ZNF587B: variants seen among roughly 807,000 people sequenced by gnomAD.
ZNF587B encodes zinc finger protein 587B.
A neutral mutation model predicts 7.2 loss-of-function variants in ZNF587B; 6 were observed. That is an observed-to-expected ratio of 0.83 (90% CI 0.46 to 1.65). The LOEUF (loss-of-function observed/expected upper bound fraction) is 1.65. Ranked by LOEUF, ZNF587B falls within the 40% of genes most tolerant of loss-of-function variation. ZNF587B has a pLI of 0.01. For missense variants in ZNF587B, 749 were observed against 761.0 expected, an observed-to-expected ratio of 0.98 and a Z score of 0.19; for synonymous variants, 274 against 254.3, an observed-to-expected ratio of 1.08 and a Z score of -0.74.
rs1327717725 is a variant in ZNF587B at position 57,843,686 on chromosome 19, CTG to C, written c.*1111_*1112del. 1.0e-5 allele frequency: 6 copies of C among 586,542 alleles called. No homozygotes were observed. Among genetic ancestry groups the C allele is most frequent in the Non-Finnish European group, 1.3e-5 (6 of 471,680 alleles). 36.3% of individuals were successfully genotyped at this position (586,542 alleles called of 1,614,324 possible). ...GTGTGATCCTGGTTCATTGCAACCT[CTG>C]CCTCCTGAGTTCAAGCAATTCTCCT... On this transcript the variant is annotated 3_prime_UTR_variant, in exon 3 of 3. Coordinates refer to ENST00000594901, the MANE Select transcript of ZNF587B (RefSeq NM_001376223.1).
intron 1 of ZNF587B, among the ~76,000 whole-genome samples, chr19:57,837,345 C>T (rs1010338244): frequency 6.6e-6 from 1 of 151,994 alleles, no homozygotes; most frequent in Non-Finnish European, 1.5e-5. Flanking sequence ...CAACCTTCGC[C>T]TCCCTGGTTC....
chr19:57,839,281 GT>G, intron 2 of ZNF587B, 132 bp downstream of exon 2: 2 of 1,427,514 alleles, frequency 1.4e-6, no homozygotes, highest in Non-Finnish European at 1.9e-6. Context: ...TAGGTTCTTG[GT>G]TGTAGGACTG....
In ZNF587B at chr19:57,843,458, A is replaced by G; in HGVS notation, c.*882A>G. ...TATCTGGCAAAAGCCATTACATCTCAGCTACTTGGTAGGTACCCACATTGC... is the reference window on the plus strand; with the variant it reads ...TATCTGGCAAAAGCCATTACATCTCGGCTACTTGGTAGGTACCCACATTGC... On this transcript the variant is annotated 3_prime_UTR_variant, in exon 3 of 3. Coordinates refer to ENST00000594901, the MANE Select transcript of ZNF587B (RefSeq NM_001376223.1). 1.0e-6 allele frequency: 1 copy of G among 985,138 alleles called. No homozygotes were observed. Among genetic ancestry groups the G allele is most frequent in the Non-Finnish European group, 1.2e-6 (1 of 829,772 alleles). 61.0% of individuals were successfully genotyped at this position (985,138 alleles called of 1,614,324 possible).
At position 57,840,879 on chromosome 19, in the gene ZNF587B, C is replaced by A. The variant is rs1431906732; in HGVS notation, c.205C>A (p.Gln69Lys). 2 of 1,548,302 alleles carry A rather than the reference C, an allele frequency of 1.3e-6. No individual in the cohort carries two copies. Among genetic ancestry groups the A allele is most frequent in the Non-Finnish European group, 1.7e-6 (2 of 1,150,026 alleles). The change falls in exon 3 of 3, where the codon CAG (glutamine) becomes AAG (lysine). Residue 69 changes from glutamine (Q) to lysine (K), a missense_variant. Physicochemically the swap from Gln to Lys is moderately conservative, Grantham distance 53 (BLOSUM62 1). This residue lies in a region of ZNF587B where 72 missense variants were observed against 147.8 expected (regional missense o/e 0.49). Transcript: ENST00000594901. ...GGAAGATGAGGCGGCACCTTCTAAG[C>A]AGAGTATTTATATACAAAGAGAGAC... ...GVEDEAAPSK[Q>K]SIYIQRETQV...
intron 1 of ZNF587B, among the ~76,000 whole-genome samples, chr19:57,834,853 A>G (rs1484021923): frequency 7.5e-6 from 1 of 132,946 alleles, no homozygotes; most frequent in Non-Finnish European, 1.7e-5. Context: ...TTAAAAAAAA[A>G]AAAGAAAAAA....
intron 1 of ZNF587B, among the ~76,000 whole-genome samples, chr19:57,836,186 G>T (rs1319488980): frequency 1.3e-5 from 2 of 151,812 alleles, no homozygotes; most frequent in Admixed American, 6.6e-5. Flanking sequence ...CTGAGGGGCT[G>T]GCAAGTGTAG....
Position 57,843,600 on chromosome 19 carries a change from GTTTTT to G in ZNF587B, c.*1040_*1044del, listed in dbSNP as rs771371494. On this transcript the variant is annotated 3_prime_UTR_variant, in exon 3 of 3. Coordinates refer to ENST00000594901, the MANE Select transcript of ZNF587B (RefSeq NM_001376223.1). ...GTTGGTTGGTTGGTTGTTTTTTTTTGTTTTTTTTTTTTTTTTTTTTGGAGACAAAG... is the reference window on the plus strand; with the variant it reads ...GTTGGTTGGTTGGTTGTTTTTTTTTGTTTTTTTTTTTTTTTGGAGACAAAG... 1.3e-4 allele frequency: 87 copies of G among 648,434 alleles called. No homozygotes were observed. Among genetic ancestry groups the G allele is most frequent in the Non-Finnish European group, 1.4e-4 (79 of 565,818 alleles). 40.2% of individuals were successfully genotyped at this position (648,434 alleles called of 1,614,324 possible).
At chr19:57,836,607 C>G (rs1377820900) in intron 1 of ZNF587B, among the ~76,000 whole-genome samples, 1 of 152,086 alleles carries the variant, frequency 6.6e-6, no homozygotes, top group Non-Finnish European at 1.5e-5. Flanking sequence ...GCTTCCACTT[C>G]GACCTCTCAG....
At chr19:57,831,517 C>G (rs897949913) in intron 1 of ZNF587B, among the ~76,000 whole-genome samples, 1 of 151,848 alleles carries the variant, frequency 6.6e-6, no homozygotes, top group African/African-American at 2.4e-5. Flanking sequence ...CTCAGCCTCC[C>G]GAGTAGGTGT....
chr19:57,838,121 A>T (rs555387444), intron 1 of ZNF587B, among the ~76,000 whole-genome samples: 9 of 151,928 alleles, frequency 5.9e-5, no homozygotes, highest in Admixed American at 5.2e-4. Flanking sequence ...AGCCTGGCCA[A>T]CATGGTGAAA....
In ZNF587B at chr19:57,841,734, T is replaced by TAGG. The variant is rs1568500862; in HGVS notation, c.1061_1062insGGA (p.Tyr354delinsTer). On this transcript the variant is annotated stop_gained, in exon 3 of 3. Coordinates refer to ENST00000594901, the MANE Select transcript of ZNF587B (RefSeq NM_001376223.1). LOFTEE classifies it low-confidence loss of function (END_TRUNC). ...GCGCATTCACACTGGAGAGAGACCT[T>TAGG]ACAAGTGTGGAGAATGTGAGAAATC... 1 of 1,608,598 alleles carries TAGG rather than the reference T, an allele frequency of 6.2e-7. No homozygotes were observed. Among genetic ancestry groups the TAGG allele is most frequent in the East Asian group, 2.2e-5 (1 of 44,690 alleles).
In ZNF587B at chr19:57,841,371, C is replaced by G; in HGVS notation, c.697C>G (p.Gln233Glu). The G allele has an allele frequency of 6.3e-7, 1 of 1,592,606 alleles. No individual in the cohort carries two copies. Among genetic ancestry groups the G allele is most frequent in the Non-Finnish European group, 8.6e-7 (1 of 1,168,664 alleles). The change falls in exon 3 of 3, where the codon CAG (glutamine) becomes GAG (glutamate). Residue 233 changes from glutamine to glutamate, a missense_variant. Physicochemically the swap from Gln to Glu is conservative, Grantham distance 29. This residue lies in a region of ZNF587B where 656 missense variants were observed against 596.5 expected (regional missense o/e 1.10). Transcript: ENST00000594901. ...CACCAAACATATACTCAGTCAGCAC[C>G]AGAGACTTCTCCCTCGAGAAGAATG... ...FSTKHILSQH[Q>E]RLLPREECYV...
rs766460525 is a variant in ZNF587B at position 57,841,059 on chromosome 19, T to C, written c.385T>C (p.Leu129=). Residue 129 remains leucine, a synonymous_variant, in exon 3 of 3, where the codon TTG becomes CTG. Transcript: ENST00000594901. ...LHRCEAWGNK[L]YDSGNFHQHQ... is the part of the protein sequence containing the mutation. Reference sequence around the variant, plus strand: ...CAGGTGTGAGGCCTGGGGGAATAAATTGTATGACAGTGGAAACTTTCATCA... The same window carrying C: ...CAGGTGTGAGGCCTGGGGGAATAAACTGTATGACAGTGGAAACTTTCATCA... The C allele has an allele frequency of 2.5e-6, 4 of 1,613,388 alleles. No homozygotes were observed. Among genetic ancestry groups the C allele is most frequent in the Non-Finnish European group, 3.4e-6 (4 of 1,179,856 alleles).
Position 57,843,363 on chromosome 19 carries a change from A to G in ZNF587B, c.*787A>G, listed in dbSNP as rs1988931451. The G allele has an allele frequency of 3.0e-6, 3 of 985,276 alleles. No individual in the cohort carries two copies. The highest frequency in any genetic ancestry group is 4.7e-5 in the South Asian group (1 of 21,284). The allele number at this position is 985,276 out of a possible 1,614,324, so 61.0% of individuals were successfully genotyped here. A position where few individuals can be genotyped will look rare whatever the true frequency, so the allele number is the denominator to read the frequency against. On this transcript the variant is annotated 3_prime_UTR_variant, in exon 3 of 3. Transcript: ENST00000594901. ...CATGTGCCCAAATTGAAAAAACTCCAGGCATGTGGCATCTGTATTATATTT... is the reference window on the plus strand; with the variant it reads ...CATGTGCCCAAATTGAAAAAACTCCGGGCATGTGGCATCTGTATTATATTT...
At chr19:57,832,053 T>C (rs1479186827) in intron 1 of ZNF587B, among the ~76,000 whole-genome samples, 2 of 151,970 alleles carry the variant, frequency 1.3e-5, no homozygotes, top group East Asian at 3.9e-4. Flanking sequence ...TTACCCTTTA[T>C]AGCAGAGTGC....
chr19:57,842,766 A>G lies in ZNF587B; in HGVS notation c.*190A>G. ...GGCAGTTTTGTAGCCACACCTCTGTATTCCTTCAGGATTATATTTAACACT... is the reference window on the plus strand; with the variant it reads ...GGCAGTTTTGTAGCCACACCTCTGTGTTCCTTCAGGATTATATTTAACACT... On this transcript the variant is annotated 3_prime_UTR_variant, in exon 3 of 3. Coordinates refer to ENST00000594901, the MANE Select transcript of ZNF587B (RefSeq NM_001376223.1). 1.0e-6 allele frequency: 1 copy of G among 985,446 alleles called. No homozygotes were observed. The highest frequency in any genetic ancestry group is 1.2e-6 in the Non-Finnish European group (1 of 829,934). The allele number at this position is 985,446 out of a possible 1,614,324, so 61.0% of individuals were successfully genotyped here.
At chr19:57,839,334 G>A (rs537738004) in intron 2 of ZNF587B, among the ~76,000 whole-genome samples, 185 bp downstream of exon 2, 387 of 152,162 alleles carry the variant, frequency 2.5e-3, no homozygotes, top group South Asian at 4.1e-3. Context: ...AGCAGCCCCA[G>A]CACCTGCTTT....
chr19:57,841,676 T>G lies in ZNF587B; in HGVS notation c.1002T>G (p.Ser334=). 6.2e-7 allele frequency: 1 copy of G among 1,605,332 alleles called. No individual in the cohort carries two copies. Residue 334 remains serine, a synonymous_variant, in exon 3 of 3, where the codon TCT becomes TCG. Coordinates refer to ENST00000594901, the MANE Select transcript of ZNF587B (RefSeq NM_001376223.1). ...GPYECGECGK[S]FSSNVNLKSH... ...ATGAGTGTGGAGAATGTGGGAAATC[T>G]TTTAGTTCAAACGTGAACCTTAAGA...
At chr19:57,831,241 G>A (rs1988378751) in intron 1 of ZNF587B, among the ~76,000 whole-genome samples, 1 of 152,062 alleles carries the variant, frequency 6.6e-6, no homozygotes, top group African/African-American at 2.4e-5. Context: ...AGTCAATTCA[G>A]GTGGAAACAA....
Sources: allele counts gnomAD v4.1 joint callset (sites outside exome capture counted in the v4.1 genomes callset), GRCh38; gene constraint gnomAD v4.1.1; regional missense constraint gnomAD v4.1.1; transcripts MANE v1.5; gene names NCBI Gene and HGNC (gene_info 2026-07-23, HGNC 2026-07-21).